The following SVOP variants were observed in gnomAD, a reference collection of about 807,000 sequenced individuals.
The protein encoded by SVOP is SV2 related protein.
Under a neutral mutation model 69.1 loss-of-function variants are expected in SVOP, and 17 were observed. That is an observed-to-expected ratio of 0.25 (90% CI 0.17 to 0.37). The LOEUF (loss-of-function observed/expected upper bound fraction) is 0.37, where lower values mean the gene tolerates loss of function less well. SVOP is among the 10% of genes least tolerant of loss of function. The probability of loss-of-function intolerance (pLI) is 1.00; values close to 1 mark genes in which losing one functional copy is unlikely to be tolerated. For synonymous variants in SVOP, 238 were observed against 238.6 expected, an observed-to-expected ratio of 1.00 and a Z score of 0.02; for missense variants, 435 against 597.5, an observed-to-expected ratio of 0.73 and a Z score of 2.84.
In SVOP at chr12:108,981,374, G is replaced by T. The variant is rs926940974; in HGVS notation, c.196+2227C>A. Among the ~76,000 whole-genome samples, 53 of 152,260 alleles carry T rather than the reference G, an allele frequency of 3.5e-4. No homozygotes were observed. The South Asian group carries it at 9.7e-3, about 28-fold the overall frequency. On this transcript the variant is annotated intron_variant, in intron 2 of 15. Coordinates refer to ENST00000610966, the MANE Select transcript of SVOP (RefSeq NM_018711.5). ...CAGCTTCCCTCCATCCCCTGTCATT[G>T]CCACCTTATCTCTGCCAACAATAGG...
At chr12:108,972,564 C>G in intron 4 of SVOP, 88 bp from the exon 5 acceptor site, 1 of 1,296,638 alleles carries the variant, frequency 7.7e-7, no homozygotes, top group Non-Finnish European at 1.1e-6. Flanking sequence ...TGACGTCACC[C>G]TCTAGGTAAC....
In SVOP at chr12:108,976,445, C is replaced by T. The variant is rs149175340; in HGVS notation, c.381+953G>A. Among the ~76,000 whole-genome samples the T allele has an allele frequency of 4.8e-3, 726 of 152,270 alleles. 3 individuals are homozygous for T. Among genetic ancestry groups the T allele is most frequent in the Non-Finnish European group, 7.7e-3 (524 of 68,020 alleles). On this transcript the variant is annotated intron_variant, in intron 4 of 15. Coordinates refer to ENST00000610966, the MANE Select transcript of SVOP (RefSeq NM_018711.5). ...CCTCATCTTGCTCAACTAATCATAG[C>T]GCCTAGCTCATAGGTCTGTGAGGAT...
chr12:108,966,386 G>A (rs910749234), intron 5 of SVOP, among the ~76,000 whole-genome samples: 2 of 152,232 alleles, frequency 1.3e-5, no homozygotes, highest in Admixed American at 6.5e-5. Flanking sequence ...CTCCCAGGTG[G>A]TAGAAACTTC....
At chr12:108,939,023 C>T in intron 8 of SVOP, 68 bp from the exon 9 acceptor site, 2 of 1,608,146 alleles carry the variant, frequency 1.2e-6, no homozygotes, top group South Asian at 2.2e-5. Flanking sequence ...CGCTTCTAGC[C>T]ACACAGTGTT....
chr12:108,949,267 T>C (rs1002194883), intron 6 of SVOP, among the ~76,000 whole-genome samples: 3 of 120,424 alleles, frequency 2.5e-5, no homozygotes, highest in African/African-American at 8.7e-5. Context: ...TGCTTTGCAA[T>C]CTTTCAGCTT....
chr12:108,965,561 TA>T (rs2137425805), intron 5 of SVOP, among the ~76,000 whole-genome samples: 1 of 152,294 alleles, frequency 6.6e-6, no homozygotes, highest in African/African-American at 2.4e-5. Flanking sequence ...CACATAACTT[TA>T]TTTTTATGCA....
At chr12:108,939,346 A>G (rs1236403493) in intron 8 of SVOP, among the ~76,000 whole-genome samples, 1 of 152,218 alleles carries the variant, frequency 6.6e-6, no homozygotes, top group Non-Finnish European at 1.5e-5. Flanking sequence ...GGGCTGAATT[A>G]AATTAAGATC....
intron 1 of SVOP, among the ~76,000 whole-genome samples, chr12:109,011,697 C>T (rs920085341): frequency 2.6e-5 from 4 of 152,164 alleles, no homozygotes; most frequent in African/African-American, 9.7e-5. Context: ...CCTATGGAAT[C>T]GACCTAAGTG....
At chr12:108,999,995 A>C (rs1212765792) in intron 1 of SVOP, among the ~76,000 whole-genome samples, 1 of 150,552 alleles carries the variant, frequency 6.6e-6, no homozygotes, top group Non-Finnish European at 1.5e-5. Context: ...AGACACAAAA[A>C]ACCCTTCAAA....
At chr12:108,962,163 A>G (rs1015268213) in intron 5 of SVOP, among the ~76,000 whole-genome samples, 1 of 152,154 alleles carries the variant, frequency 6.6e-6, no homozygotes, top group Admixed American at 6.5e-5. Context: ...CAGTGGTGCA[A>G]TCTCGGCTCA....
intron 14 of SVOP, among the ~76,000 whole-genome samples, chr12:108,917,597 G>A (rs531495539): frequency 6.6e-6 from 1 of 151,512 alleles, no homozygotes; most frequent in Admixed American, 6.6e-5. Context: ...CCATTCAGTA[G>A]TATGTCTTAA....
chr12:108,922,814 G>A lies in SVOP; in HGVS notation c.1049-17C>T, dbSNP rs1171015284. On this transcript the variant is annotated splice_polypyrimidine_tract_variant and intron_variant, in intron 11 of 15. Coordinates refer to ENST00000610966, the MANE Select transcript of SVOP (RefSeq NM_018711.5). The stretch of plus-strand genomic sequence containing the variant: ...GACTGGAGACTGGGGTTGGGAGAGA[G>A]AAAGAGAGGGGGAGACATATACAGA... 2 of 1,557,468 alleles carry A rather than the reference G, an allele frequency of 1.3e-6. No individual in the cohort carries two copies. The highest frequency in any genetic ancestry group is 1.4e-5 in the African/African-American group (1 of 73,764).
At chr12:109,019,459 A>C (rs1318681563) in intron 1 of SVOP, among the ~76,000 whole-genome samples, 1 of 152,176 alleles carries the variant, frequency 6.6e-6, no homozygotes, top group Non-Finnish European at 1.5e-5. Flanking sequence ...TCCAATATGT[A>C]GTCTAATTCT....
At chr12:108,970,858 A>G (rs1359862674) in intron 5 of SVOP, among the ~76,000 whole-genome samples, 1 of 150,846 alleles carries the variant, frequency 6.6e-6, no homozygotes, top group Non-Finnish European at 1.5e-5. Context: ...GTCTACAAAA[A>G]ATAAAAAAAC....
chr12:108,970,112 T>A (rs146073823), intron 5 of SVOP, among the ~76,000 whole-genome samples: 354 of 152,350 alleles, frequency 2.3e-3, no homozygotes, highest in African/African-American at 8.3e-3. Context: ...CTGGCCCAAG[T>A]TTCCTGCGCA....
At chr12:109,015,601 C>T (rs1041370549) in intron 1 of SVOP, among the ~76,000 whole-genome samples, 1 of 151,396 alleles carries the variant, frequency 6.6e-6, no homozygotes, top group Admixed American at 6.6e-5. Context: ...CACTTGGAGC[C>T]AGGTGACCAG....
intron 6 of SVOP, among the ~76,000 whole-genome samples, chr12:108,954,060 C>A (rs929306389): frequency 1.4e-5 from 2 of 139,504 alleles, no homozygotes; most frequent in African/African-American, 5.5e-5. Context: ...TGCAGTGAGC[C>A]GAGATATCAC....
chr12:108,916,108 G>C (rs561037056), intron 14 of SVOP, among the ~76,000 whole-genome samples: 90 of 152,210 alleles, frequency 5.9e-4, no homozygotes, highest in African/African-American at 2.1e-3. Context: ...GGTCCACTCT[G>C]TCCTGGGGGG....
chr12:108,922,855 T>C, intron 11 of SVOP, 58 bp from the exon 12 acceptor site: 1 of 1,224,342 alleles, frequency 8.2e-7, no homozygotes, highest in Non-Finnish European at 1.2e-6. Context: ...GAATCACACC[T>C]TCCTGCTCCC....
Sources: allele counts gnomAD v4.1 joint callset (sites outside exome capture counted in the v4.1 genomes callset), GRCh38; gene constraint gnomAD v4.1.1; transcripts MANE v1.5; gene names NCBI Gene and HGNC (gene_info 2026-07-23, HGNC 2026-07-21).